PPHLN1: variants seen among roughly 807,000 people sequenced by gnomAD.
PPHLN1 encodes periphilin 1.
A neutral mutation model predicts 51.3 loss-of-function variants in PPHLN1; 29 were observed. The ratio of observed to expected loss-of-function variants is 0.57; its 90% CI spans 0.42 to 0.77. PPHLN1 has a LOEUF of 0.77. Ranked by LOEUF, PPHLN1 falls within the 30% of genes least tolerant of loss-of-function variation. PPHLN1 has a pLI of 0.00. For missense variants in PPHLN1, 436 were observed against 438.4 expected (o/e 0.99, Z 0.05); for synonymous variants, 147 against 147.8 (o/e 0.99, Z 0.04).
At position 42,374,440 on chromosome 12, in the gene PPHLN1, A is replaced by T. The variant is rs1050730066; in HGVS notation, c.300-423A>T. Among the ~76,000 whole-genome samples, 6 of 150,728 alleles carry T rather than the reference A, an allele frequency of 4.0e-5. No homozygotes were observed. In the South Asian group the frequency reaches 1.3e-3, roughly 32 times the overall value. On this transcript the variant is annotated intron_variant, in intron 4 of 9. Transcript: ENST00000358314. ...TAGAAAAAGAGAACCAAGAGTACAAATTTTTTTTTCTTTATTTTTGAGACA... is the reference window on the plus strand; with the variant it reads ...TAGAAAAAGAGAACCAAGAGTACAATTTTTTTTTTCTTTATTTTTGAGACA...
chr12:42,445,721 TA>T, downstream of PPHLN1: 1 of 364,118 alleles, frequency 2.7e-6, no homozygotes, highest in Non-Finnish European at 4.9e-6. Flanking sequence ...ACTTCACCCT[TA>T]AAAATATGCT....
intron 2 of PPHLN1, 35 bp from the exon 3 acceptor site, chr12:42,351,850 A>G: frequency 2.7e-6 from 4 of 1,506,356 alleles, no homozygotes; most frequent in South Asian, 1.4e-5. Context: ...TAGAGAAATT[A>G]GTCATTTGTA....
intron 9 of PPHLN1, among the ~76,000 whole-genome samples, chr12:42,430,288 C>A (rs1314885132): frequency 1.3e-5 from 2 of 151,970 alleles, no homozygotes; most frequent in Non-Finnish European, 1.5e-5. Context: ...CACACACACA[C>A]ACACACACCC....
chr12:42,327,933 A>G (rs2069062055), intron 1 of PPHLN1, among the ~76,000 whole-genome samples: 1 of 152,218 alleles, frequency 6.6e-6, no homozygotes, highest in Non-Finnish European at 1.5e-5. Flanking sequence ...TTTTGCCAGA[A>G]CATCTAATTT....
chr12:42,417,596 T>C (rs2080508467), intron 9 of PPHLN1, among the ~76,000 whole-genome samples: 1 of 152,072 alleles, frequency 6.6e-6, no homozygotes, highest in Non-Finnish European at 1.5e-5. Context: ...CTCCTTTAAG[T>C]AAGCGTAGAA....
chr12:42,331,511 A>T (rs1028116986), intron 1 of PPHLN1, among the ~76,000 whole-genome samples: 9 of 152,238 alleles, frequency 5.9e-5, no homozygotes, highest in African/African-American at 2.2e-4. Flanking sequence ...AGTTAACATA[A>T]CAGTGGTTGG....
At chr12:42,418,771 AT>A (rs939456091) in intron 9 of PPHLN1, among the ~76,000 whole-genome samples, 10 of 152,014 alleles carry the variant, frequency 6.6e-5, no homozygotes, top group Admixed American at 3.9e-4. Flanking sequence ...ACAATTATAC[AT>A]TTTTTTTGTT....
intron 9 of PPHLN1, among the ~76,000 whole-genome samples, chr12:42,418,554 T>C (rs2080683915): frequency 6.6e-6 from 1 of 152,134 alleles, no homozygotes; most frequent in Non-Finnish European, 1.5e-5. Flanking sequence ...CATGGCTCAC[T>C]GTTCTGCAGT....
intron 2 of PPHLN1, chr12:42,343,791 C>A: frequency 2.7e-6 from 1 of 363,790 alleles, no homozygotes. Flanking sequence ...TGGCTACATT[C>A]TCGAATAAGA....
rs188610882 is a variant in PPHLN1, at chr12:42,355,929, G to A, written c.299+707G>A. On this transcript the variant is annotated intron_variant, in intron 4 of 9. Transcript: ENST00000358314. ...TGGGTTCTTACAAAGTCTATTATAA[G>A]GCATCTCAGTTTCTTTAATTAGTGA... Among the ~76,000 whole-genome samples the A allele has an allele frequency of 3.9e-5, 6 of 152,132 alleles. No individual in the cohort carries two copies. The East Asian group carries it at 9.7e-4, about 24-fold the overall frequency.
chr12:42,340,702 C>T (rs1393360932), intron 2 of PPHLN1, among the ~76,000 whole-genome samples: 4 of 152,128 alleles, frequency 2.6e-5, no homozygotes, highest in African/African-American at 7.2e-5. Context: ...GATTTTGCTG[C>T]GCTGGGAATA....
intron 9 of PPHLN1, among the ~76,000 whole-genome samples, chr12:42,401,894 G>A (rs111844759): frequency 0.015 from 2,225 of 151,922 alleles, 55 homozygotes; most frequent in African/African-American, 0.05. Flanking sequence ...TTACTCTGTC[G>A]CCCATGCTGG....
chr12:42,442,882 C>G (rs1211259780), downstream of PPHLN1: 1 of 1,337,598 alleles, frequency 7.5e-7, no homozygotes, highest in Non-Finnish European at 1.0e-6. Context: ...AGCAGAGCCT[C>G]GGTTTCGCAG....
At chr12:42,349,721 G>A (rs4093063) in intron 2 of PPHLN1, among the ~76,000 whole-genome samples, 12,301 of 151,882 alleles carry the variant, frequency 0.081, 535 homozygotes, top group East Asian at 0.15. Flanking sequence ...CACGGGGTTG[G>A]GGGTAAGGTT....
chr12:42,445,865 G>A, downstream of PPHLN1: 1 of 1,341,446 alleles, frequency 7.5e-7, no homozygotes, highest in Middle Eastern at 1.9e-4. Flanking sequence ...AACCTCTCCA[G>A]ACATAAAACT....
At chr12:42,393,811 T>C (rs1057486309) in intron 8 of PPHLN1, 122 bp downstream of exon 8, 11 of 946,318 alleles carry the variant, frequency 1.2e-5, no homozygotes, top group Non-Finnish European at 1.6e-5. Flanking sequence ...ATTACAGGTA[T>C]TAAAATTACC....
At chr12:42,384,116 A>C (rs1855850645) in intron 5 of PPHLN1, among the ~76,000 whole-genome samples, 1 of 152,020 alleles carries the variant, frequency 6.6e-6, no homozygotes, top group Admixed American at 6.6e-5. Flanking sequence ...GTGAATAATG[A>C]GAAAAGGATA....
chr12:42,389,517 G>A (rs997532631), intron 7 of PPHLN1, among the ~76,000 whole-genome samples: 3 of 152,128 alleles, frequency 2.0e-5, no homozygotes, highest in East Asian at 1.9e-4. Context: ...CTGAGATCAC[G>A]CCACTGCACT....
At chr12:42,354,755 A>T (rs1350580310) in intron 3 of PPHLN1, among the ~76,000 whole-genome samples, 1 of 152,214 alleles carries the variant, frequency 6.6e-6, no homozygotes, top group Non-Finnish European at 1.5e-5. Flanking sequence ...AGCAGGAAAA[A>T]TGGGAAAGTA....
Sources: allele counts gnomAD v4.1 joint callset (sites outside exome capture counted in the v4.1 genomes callset), GRCh38; gene constraint gnomAD v4.1.1; transcripts MANE v1.5; gene names NCBI Gene and HGNC (gene_info 2026-07-23, HGNC 2026-07-21).